The following LTN1 variants were observed in gnomAD, a reference collection of about 807,000 sequenced individuals.
The protein encoded by LTN1 is listerin E3 ubiquitin protein ligase 1, also known as E3 ubiquitin-protein ligase listerin.
In LTN1, 88 loss-of-function variants were observed where a neutral mutation model predicts 201.2. The ratio of observed to expected loss-of-function variants is 0.44; its 90% CI spans 0.37 to 0.52. LTN1 has a LOEUF of 0.52. Ranked by LOEUF, LTN1 falls within the 20% of genes least tolerant of loss-of-function variation. The probability of loss-of-function intolerance (pLI) is 0.00; values close to 1 mark genes in which losing one functional copy is unlikely to be tolerated. For missense variants in LTN1, 1,752 were observed against 2,038.7 expected (o/e 0.86, Z 2.71); for synonymous variants, 645 against 713.5 (o/e 0.90, Z 1.53).
chr21:28,991,280 C>A (rs1297234226), intron 1 of LTN1, among the ~76,000 whole-genome samples: 2 of 124,488 alleles, frequency 1.6e-5, no homozygotes, highest in Admixed American at 8.6e-5. Flanking sequence ...GACAGAGCGA[C>A]CCTGTCTTAC....
rs762255253 is a variant in LTN1 at position 28,965,879 on chromosome 21, T to G, written c.2149A>C (p.Lys717Gln). 6.6e-7 allele frequency: 1 copy of G among 1,510,600 alleles called. No individual in the cohort carries two copies. The highest frequency in any genetic ancestry group is 9.1e-7 in the Non-Finnish European group (1 of 1,103,640). The allele number at this position is 1,510,600 out of a possible 1,614,324, so 93.6% of individuals were successfully genotyped here. ...KVDLKWNSLL[K>Q]IIEKACPSSD... is the part of the protein sequence containing the mutation. ...CCCTAAGATACCTTTTCAATAATCT[T>G]AAGAAGAGAATTCCATTTCAAGTCC... The change falls in exon 11 of 30, where the codon AAG becomes CAG. Residue 717 changes from lysine to glutamine, a missense_variant. Physicochemically the swap from Lys to Gln is moderately conservative, Grantham distance 53 (BLOSUM62 1). Transcript: ENST00000361371.
chr21:28,955,527 A>G (rs2146284016), intron 16 of LTN1, among the ~76,000 whole-genome samples: 1 of 152,312 alleles, frequency 6.6e-6, no homozygotes, highest in South Asian at 2.1e-4. Flanking sequence ...CTGCAGCACT[A>G]TTCACAATAG....
rs977044361 is a variant in LTN1, at chr21:28,950,793, C to T, written c.3344+1367G>A. Reference sequence around the variant, plus strand: ...CCTTCCAAAGTGCTGGGATTACAGGCATAAGCCTCCACACCTGGCAAATTC... The same window carrying T: ...CCTTCCAAAGTGCTGGGATTACAGGTATAAGCCTCCACACCTGGCAAATTC... On this transcript the variant is annotated intron_variant, in intron 18 of 29. Transcript: ENST00000361371. 4.6e-5 allele frequency among the ~76,000 whole-genome samples: 7 copies of T among 152,208 alleles called. No individual in the cohort carries two copies. The South Asian group carries it at 1.0e-3, about 23-fold the overall frequency.
Position 28,959,592 on chromosome 21 carries a change from A to G in LTN1, c.2459T>C (p.Val820Ala). Residue 820 changes from valine to alanine, a missense_variant, in exon 13 of 30, where the codon GTG becomes GCG. Physicochemically the swap from Val to Ala is moderately conservative, Grantham distance 64 (BLOSUM62 0). Coordinates refer to ENST00000361371, the MANE Select transcript of LTN1 (RefSeq NM_015565.3). ...ATAGGCCACATCACAGATAAAAGAC[A>G]CTGATGAGTCACTGCTTTCAGCTTC... is the stretch of plus-strand genomic sequence containing the variant. ...LSEAESSDSS[V>A]SFICDVAYNY... The G allele has an allele frequency of 9.9e-6, 16 of 1,614,084 alleles. No individual in the cohort carries two copies. The highest frequency in any genetic ancestry group is 1.4e-5 in the Non-Finnish European group (16 of 1,179,976).
In LTN1 at chr21:28,959,483, C is replaced by T; in HGVS notation, c.2568G>A (p.Gln856=). ...LLLTLFQLCA[Q]SKEKTHLPDF... is the part of the protein sequence containing the mutation. ...CTGGCAAATGTGTTTTTTCTTTGCTCTGAGCACATAACTGAAAGAGAGTTA... is the reference window on the plus strand; with the variant it reads ...CTGGCAAATGTGTTTTTTCTTTGCTTTGAGCACATAACTGAAAGAGAGTTA... Residue 856 remains glutamine, a synonymous_variant, in exon 13 of 30, where the codon CAG becomes CAA. Transcript: ENST00000361371. The T allele has an allele frequency of 6.2e-7, 1 of 1,613,536 alleles. No individual in the cohort carries two copies. The highest frequency in any genetic ancestry group is 8.5e-7 in the Non-Finnish European group (1 of 1,179,812).
chr21:28,932,821 T>C (rs556189704), intron 27 of LTN1, among the ~76,000 whole-genome samples, 157 bp from the exon 28 acceptor site: 1 of 152,370 alleles, frequency 6.6e-6, no homozygotes, highest in Non-Finnish European at 1.5e-5. Context: ...GAAATACGTT[T>C]AAATACCTGC....
intron 11 of LTN1, chr21:28,964,475 C>T (rs1449077170): frequency 4.8e-6 from 5 of 1,043,820 alleles, no homozygotes; most frequent in Admixed American, 6.5e-5. Flanking sequence ...AATGTTATTG[C>T]ACACTTAATA....
intron 25 of LTN1, among the ~76,000 whole-genome samples, chr21:28,938,677 A>G (rs1434720976): frequency 6.6e-6 from 1 of 152,240 alleles, no homozygotes; most frequent in African/African-American, 2.4e-5. Context: ...CTAAATGCCC[A>G]TTAATGGATA....
At chr21:28,974,807 A>T (rs11088103) in intron 6 of LTN1, among the ~76,000 whole-genome samples, 8,000 of 152,230 alleles carry the variant, frequency 0.053, 475 homozygotes, top group East Asian at 0.16. Context: ...GCTAATTTTT[A>T]AAATTTTTTT....
intron 26 of LTN1, among the ~76,000 whole-genome samples, 179 bp from the exon 27 acceptor site, chr21:28,935,508 C>T (rs772546684): frequency 1.3e-5 from 2 of 152,090 alleles, no homozygotes; most frequent in Non-Finnish European, 2.9e-5. Context: ...TCCACACATT[C>T]AAAATGAACC....
intron 25 of LTN1, 107 bp from the exon 26 acceptor site, chr21:28,936,804 C>A (rs972998519): frequency 1.3e-6 from 1 of 750,082 alleles, no homozygotes; most frequent in South Asian, 1.9e-5. Flanking sequence ...AACTAGCAGA[C>A]ATTCTATCCC....
chr21:28,971,865 T>TA (rs891951059), intron 6 of LTN1, among the ~76,000 whole-genome samples: 4 of 152,142 alleles, frequency 2.6e-5, no homozygotes, highest in African/African-American at 4.8e-5. Context: ...ACAAAAGTTT[T>TA]AAAAAACTTG....
At chr21:28,933,684 T>G (rs2084230389) in intron 27 of LTN1, among the ~76,000 whole-genome samples, 1 of 151,814 alleles carries the variant, frequency 6.6e-6, no homozygotes, top group East Asian at 1.9e-4. Flanking sequence ...TCTCTTTTTT[T>G]TTTTTTTTTG....
At chr21:28,957,539 T>C in intron 14 of LTN1, 63 bp from the exon 15 acceptor site, 1 of 1,169,280 alleles carries the variant, frequency 8.6e-7, no homozygotes, top group Non-Finnish European at 1.2e-6. Context: ...AATACCCCAA[T>C]ACATATTAAA....
chr21:28,940,438 G>A lies in LTN1; in HGVS notation c.4482+782C>T, dbSNP rs575852744. Among the ~76,000 whole-genome samples the A allele has an allele frequency of 9.2e-5, 14 of 152,194 alleles. No homozygotes were observed. In the South Asian group the frequency reaches 2.9e-3, roughly 32 times the overall value. ...ATATTTCAGATATTTTCACCACTTA[G>A]GTAACAGTTTGAATTATTACATAGG... is the stretch of plus-strand genomic sequence containing the variant. On this transcript the variant is annotated intron_variant, in intron 25 of 29. Coordinates refer to ENST00000361371, the MANE Select transcript of LTN1 (RefSeq NM_015565.3).
chr21:28,943,986 A>G, intron 22 of LTN1, 82 bp from the exon 23 acceptor site: 1 of 820,466 alleles, frequency 1.2e-6, no homozygotes, highest in Non-Finnish European at 2.0e-6. Context: ...ATCAAATGTC[A>G]TTTAAGAAAA....
At chr21:28,938,161 T>C (rs2084270696) in intron 25 of LTN1, among the ~76,000 whole-genome samples, 1 of 152,142 alleles carries the variant, frequency 6.6e-6, no homozygotes. Context: ...ACTATAGAGA[T>C]ATTACTGGGA....
At chr21:28,968,821 G>T (rs1284336282) in intron 9 of LTN1, among the ~76,000 whole-genome samples, 5 of 151,604 alleles carry the variant, frequency 3.3e-5, no homozygotes, top group Non-Finnish European at 7.4e-5. Context: ...TGGTCAGGCT[G>T]GTCTTGAACC....
chr21:28,978,851 G>A lies in LTN1; in HGVS notation c.810+2268C>T, dbSNP rs971413687. Among the ~76,000 whole-genome samples, 11 of 152,132 alleles carry A rather than the reference G, an allele frequency of 7.2e-5. 1 individual carries two copies. The highest frequency in any genetic ancestry group is 5.2e-4 in the Admixed American group (8 of 15,266). Reference sequence around the variant, plus strand: ...GAACAAGAAACACAAAAACAAAAACGCTAAAAATTCTTGAAGAGATGCAAA... The same window carrying A: ...GAACAAGAAACACAAAAACAAAAACACTAAAAATTCTTGAAGAGATGCAAA... On this transcript the variant is annotated intron_variant, in intron 6 of 29. Coordinates refer to ENST00000361371, the MANE Select transcript of LTN1 (RefSeq NM_015565.3).
Sources: gnomAD v4.1 joint callset for allele counts (sites outside exome capture counted in the v4.1 genomes callset) on GRCh38, gnomAD v4.1.1 for gene constraint, MANE v1.5 for transcripts, NCBI Gene and HGNC (gene_info 2026-07-23, HGNC 2026-07-21) for gene names.